Variants in DTNB observed in about 807,000 individuals in gnomAD.
The protein encoded by DTNB is dystrobrevin beta, also known as DTN-B.
DTNB carries 63 observed loss-of-function variants against 90.7 expected under a neutral mutation model. The observed-to-expected ratio is 0.69, with a 90% confidence interval of 0.57 to 0.86. The LOEUF is 0.86. DTNB is among the 40% of genes least tolerant of loss of function. DTNB has a pLI of 0.00. For synonymous variants in DTNB, 277 were observed against 286.7 expected, an observed-to-expected ratio of 0.97 and a Z score of 0.34; for missense variants, 744 against 807.1, an observed-to-expected ratio of 0.92 and a Z score of 0.95.
intron 9 of DTNB, among the ~76,000 whole-genome samples, chr2:25,491,495 G>A (rs1037495267): frequency 3.9e-5 from 6 of 152,070 alleles, no homozygotes; most frequent in Non-Finnish European, 7.4e-5. Context: ...ACCATGTTGC[G>A]GAATATAACA....
chr2:25,412,983 G>A (rs753352101), intron 16 of DTNB, among the ~76,000 whole-genome samples: 35 of 152,232 alleles, frequency 2.3e-4, no homozygotes, highest in African/African-American at 6.5e-4. Flanking sequence ...TCCTACAACC[G>A]TATTTCTGAC....
chr2:25,645,557 T>C (rs927193448), intron 2 of DTNB, among the ~76,000 whole-genome samples: 14 of 151,958 alleles, frequency 9.2e-5, no homozygotes, highest in Non-Finnish European at 1.5e-4. Flanking sequence ...CTTCCACCTC[T>C]CAGCCTCCTT....
chr2:25,546,719 G>T (rs953060955), intron 8 of DTNB, among the ~76,000 whole-genome samples: 3 of 152,138 alleles, frequency 2.0e-5, no homozygotes, highest in African/African-American at 7.2e-5. Context: ...AATTGTTGTT[G>T]TTATGTTTAA....
intron 15 of DTNB, among the ~76,000 whole-genome samples, chr2:25,422,469 G>A (rs1339015011): frequency 2.2e-5 from 3 of 133,360 alleles, no homozygotes; most frequent in African/African-American, 8.7e-5. Flanking sequence ...GCAATGGCGC[G>A]ATCTCGGCTC....
At chr2:25,470,203 T>G (rs936476119) in intron 10 of DTNB, among the ~76,000 whole-genome samples, 1 of 152,124 alleles carries the variant, frequency 6.6e-6, no homozygotes, top group Non-Finnish European at 1.5e-5. Context: ...GGGAGAAATC[T>G]GTAGGAACCA....
At position 25,628,248 on chromosome 2, in the gene DTNB, G is replaced by A; in HGVS notation, c.285C>T (p.Arg95=). 2.5e-6 allele frequency: 4 copies of A among 1,613,666 alleles called. No individual in the cohort carries two copies. Among genetic ancestry groups the A allele is most frequent in the Non-Finnish European group, 3.4e-6 (4 of 1,179,852 alleles). ...CACTAATTTGGTGAGTAGAAGGAAG[G>A]CGCTTGTTCAACTGATAGTAGATGG... ...ISSIYYQLNK[R]LPSTHQISVE... The change falls in exon 4 of 21, where the codon CGC becomes CGT. Residue 95 remains arginine, a synonymous_variant. Coordinates refer to ENST00000406818, the MANE Select transcript of DTNB (RefSeq NM_021907.5).
intron 9 of DTNB, among the ~76,000 whole-genome samples, chr2:25,497,077 G>C (rs1017075050): frequency 6.6e-6 from 1 of 152,136 alleles, no homozygotes; most frequent in East Asian, 1.9e-4. Context: ...TTGTCTCTAA[G>C]GAAACAGAAC....
intron 5 of DTNB, among the ~76,000 whole-genome samples, chr2:25,597,453 G>C (rs978903316): frequency 2.0e-5 from 3 of 151,898 alleles, no homozygotes; most frequent in African/African-American, 7.3e-5. Flanking sequence ...ATTACTTTTT[G>C]GATTCAATTT....
In DTNB at chr2:25,567,869, G is replaced by C. The variant is rs535292374; in HGVS notation, c.876+8969C>G. ...GAGCCTTCCTTGCATATCAAGAAAG[G>C]CTGAATGAAGGCTGGGCGCGGTGGC... On this transcript the variant is annotated intron_variant, in intron 8 of 20. Transcript: ENST00000406818. 1.3e-4 allele frequency among the ~76,000 whole-genome samples: 20 copies of C among 152,324 alleles called. No individual in the cohort carries two copies. In the South Asian group the frequency reaches 1.9e-3, roughly 14 times the overall value.
At chr2:25,464,211 T>C (rs923923190) in intron 10 of DTNB, among the ~76,000 whole-genome samples, 2 of 152,172 alleles carry the variant, frequency 1.3e-5, no homozygotes, top group Non-Finnish European at 2.9e-5. Context: ...GCCCAGCCTG[T>C]ACACACTGAT....
chr2:25,526,395 A>ATATATTTTTTTT, intron 9 of DTNB, among the ~76,000 whole-genome samples: 12 of 49,828 alleles, frequency 2.4e-4, no homozygotes, highest in East Asian at 7.6e-4. Context: ...ATATATATAT[A>ATATATTTTTTTT]TTTTTTTTTT....
chr2:25,492,428 G>A (rs1202005119), intron 9 of DTNB, among the ~76,000 whole-genome samples: 1 of 152,198 alleles, frequency 6.6e-6, no homozygotes, highest in Admixed American at 6.5e-5. Flanking sequence ...AACACTGAGT[G>A]TTATGACTCA....
chr2:25,630,660 C>T (rs914516895), intron 3 of DTNB, among the ~76,000 whole-genome samples: 48 of 152,090 alleles, frequency 3.2e-4, no homozygotes, highest in African/African-American at 1.0e-3. Flanking sequence ...GCCTGGCCAA[C>T]ATGGAGAAAC....
At chr2:25,614,440 C>T (rs779547550) in intron 4 of DTNB, among the ~76,000 whole-genome samples, 3 of 152,134 alleles carry the variant, frequency 2.0e-5, no homozygotes, top group Non-Finnish European at 2.9e-5. Flanking sequence ...CTACTAACAA[C>T]ACTATAATAA....
At chr2:25,384,125 C>G (rs1452018843) in intron 18 of DTNB, among the ~76,000 whole-genome samples, 1 of 152,262 alleles carries the variant, frequency 6.6e-6, no homozygotes, top group Non-Finnish European at 1.5e-5. Flanking sequence ...TCACATCGCT[C>G]ACTTTCCTGA....
chr2:25,446,751 T>C (rs930206447), intron 12 of DTNB, among the ~76,000 whole-genome samples: 3 of 152,214 alleles, frequency 2.0e-5, no homozygotes, highest in East Asian at 1.9e-4. Flanking sequence ...TGGGGACTCA[T>C]TGCGATATAT....
chr2:25,384,568 T>C (rs748496866), intron 18 of DTNB, among the ~76,000 whole-genome samples: 1 of 152,106 alleles, frequency 6.6e-6, no homozygotes, highest in Non-Finnish European at 1.5e-5. Flanking sequence ...GAAAACCATG[T>C]CACGTTTGGA....
chr2:25,510,021 G>C (rs536824391), intron 9 of DTNB, among the ~76,000 whole-genome samples: 33 of 152,044 alleles, frequency 2.2e-4, no homozygotes, highest in African/African-American at 8.0e-4. Context: ...AAAGTGCTGG[G>C]ATTACAGGCA....
intron 4 of DTNB, among the ~76,000 whole-genome samples, chr2:25,627,775 C>A (rs1327354374): frequency 6.7e-6 from 1 of 148,572 alleles, no homozygotes; most frequent in Non-Finnish European, 1.5e-5. Flanking sequence ...CTCGCTCTGT[C>A]GCCCAGGCTG....
Sources: allele counts gnomAD v4.1 joint callset (sites outside exome capture counted in the v4.1 genomes callset), GRCh38; gene constraint gnomAD v4.1.1; transcripts MANE v1.5; gene names NCBI Gene and HGNC (gene_info 2026-07-23, HGNC 2026-07-21).